Variants in OPCML observed in about 807,000 individuals in gnomAD.
OPCML encodes opioid-binding protein/cell adhesion molecule.
Under a neutral mutation model 37.8 loss-of-function variants are expected in OPCML, and 13 were observed. That is an observed-to-expected ratio of 0.34 (90% CI 0.22 to 0.55). The LOEUF (loss-of-function observed/expected upper bound fraction) is 0.55, where lower values mean the gene tolerates loss of function less well. OPCML is among the 20% of genes least tolerant of loss of function. The probability of loss-of-function intolerance (pLI) is 0.91; values close to 1 mark genes in which losing one functional copy is unlikely to be tolerated. For missense variants in OPCML, 341 were observed against 435.6 expected (o/e 0.78, Z 1.93); for synonymous variants, 176 against 168.8 (o/e 1.04, Z -0.33).
At chr11:133,438,697 G>T (rs909554211) in intron 1 of OPCML, among the ~76,000 whole-genome samples, 11 of 152,096 alleles carry the variant, frequency 7.2e-5, no homozygotes, top group Non-Finnish European at 1.2e-4. Flanking sequence ...CTTCAGGAGG[G>T]GGGCTGCTTG....
chr11:132,552,891 G>A (rs758087285), intron 3 of OPCML, among the ~76,000 whole-genome samples: 2 of 150,070 alleles, frequency 1.3e-5, no homozygotes, highest in African/African-American at 4.9e-5. Context: ...TCAGCCTCCC[G>A]AGTAACTGGG....
At chr11:132,963,410 T>A (rs1447183530) in intron 1 of OPCML, among the ~76,000 whole-genome samples, 7 of 151,820 alleles carry the variant, frequency 4.6e-5, no homozygotes, top group Non-Finnish European at 1.0e-4. Context: ...GCCAATATGG[T>A]GAAACCCCGT....
chr11:132,534,631 G>C (rs920675897), intron 3 of OPCML, among the ~76,000 whole-genome samples: 4 of 152,196 alleles, frequency 2.6e-5, no homozygotes, highest in Admixed American at 6.5e-5. Context: ...GGAAACGGAA[G>C]TGAGAGGCCA....
At chr11:132,697,117 T>G (rs1214267022) in intron 2 of OPCML, among the ~76,000 whole-genome samples, 4 of 152,192 alleles carry the variant, frequency 2.6e-5, no homozygotes, top group African/African-American at 9.7e-5. Flanking sequence ...TATTTTAAAA[T>G]GAAAATTTCC....
chr11:133,171,980 C>A (rs1218112879), intron 1 of OPCML, among the ~76,000 whole-genome samples: 1 of 152,186 alleles, frequency 6.6e-6, no homozygotes, highest in Non-Finnish European at 1.5e-5. Context: ...CCTTCCATAG[C>A]ATGTGAATCA....
intron 1 of OPCML, among the ~76,000 whole-genome samples, chr11:132,989,172 T>C (rs1221115040): frequency 1.3e-5 from 2 of 152,168 alleles, no homozygotes; most frequent in African/African-American, 2.4e-5. Context: ...AGCGAATCCA[T>C]TCCTCAGCAG....
At chr11:132,426,996 T>C (rs897312494) in intron 7 of OPCML, among the ~76,000 whole-genome samples, 1 of 152,172 alleles carries the variant, frequency 6.6e-6, no homozygotes, top group Non-Finnish European at 1.5e-5. Flanking sequence ...CTTAAAAATG[T>C]AGTGTATATA....
At chr11:133,020,239 G>A (rs1193997471) in intron 1 of OPCML, among the ~76,000 whole-genome samples, 1 of 152,176 alleles carries the variant, frequency 6.6e-6, no homozygotes, top group African/African-American at 2.4e-5. Context: ...GAAATGGTCG[G>A]CCCATCTCAA....
intron 1 of OPCML, among the ~76,000 whole-genome samples, chr11:133,377,280 G>C (rs549180054): frequency 6.6e-6 from 1 of 152,148 alleles, no homozygotes; most frequent in Non-Finnish European, 1.5e-5. Context: ...ATTCTGAGCA[G>C]TCCAAGGGTT....
chr11:133,396,877 A>G (rs1480700068), intron 1 of OPCML, among the ~76,000 whole-genome samples: 1 of 152,140 alleles, frequency 6.6e-6, no homozygotes, highest in Non-Finnish European at 1.5e-5. Context: ...CTGGGCCACT[A>G]TCAAATATTT....
At chr11:132,865,708 G>A (rs182207980) in intron 2 of OPCML, among the ~76,000 whole-genome samples, 3 of 152,288 alleles carry the variant, frequency 2.0e-5, no homozygotes, top group Non-Finnish European at 4.4e-5. Context: ...CGAGAGCAAT[G>A]ATCTGAGAAC....
intron 1 of OPCML, among the ~76,000 whole-genome samples, chr11:133,371,667 G>T (rs1944678333): frequency 6.6e-6 from 1 of 152,172 alleles, no homozygotes; most frequent in African/African-American, 2.4e-5. Flanking sequence ...ATGATTGTAA[G>T]TTTCCTGAGG....
At chr11:133,172,191 C>T (rs1950296937) in intron 1 of OPCML, among the ~76,000 whole-genome samples, 1 of 152,142 alleles carries the variant, frequency 6.6e-6, no homozygotes, top group Non-Finnish European at 1.5e-5. Context: ...AGCACCTACT[C>T]CTCAATCTAT....
At chr11:133,486,442 C>T (rs1947526895) in intron 1 of OPCML, among the ~76,000 whole-genome samples, 1 of 152,126 alleles carries the variant, frequency 6.6e-6, no homozygotes, top group African/African-American at 2.4e-5. Context: ...ACACAGTAGC[C>T]ACCTCTTTTT....
intron 4 of OPCML, among the ~76,000 whole-genome samples, chr11:132,483,950 A>C (rs1350576071): frequency 6.6e-6 from 1 of 152,166 alleles, no homozygotes; most frequent in Admixed American, 6.5e-5. Context: ...GTTAGACCTA[A>C]AACCATAAAA....
At chr11:133,326,701 A>G (rs1388308621) in intron 1 of OPCML, among the ~76,000 whole-genome samples, 1 of 75,176 alleles carries the variant, frequency 1.3e-5, no homozygotes, top group Non-Finnish European at 2.4e-5. Flanking sequence ...GGGTGTGTAT[A>G]TTGTGTAGTG....
intron 3 of OPCML, among the ~76,000 whole-genome samples, chr11:132,631,560 C>A (rs1446442148): frequency 6.6e-6 from 1 of 150,914 alleles, no homozygotes; most frequent in Non-Finnish European, 1.5e-5. Context: ...CCCGGGTTCA[C>A]GCCATTCGCC....
At chr11:133,136,580 A>T (rs1344531798) in intron 1 of OPCML, among the ~76,000 whole-genome samples, 1 of 152,090 alleles carries the variant, frequency 6.6e-6, no homozygotes, top group Non-Finnish European at 1.5e-5. Context: ...GGTGGGAGGA[A>T]GGGCATTCCA....
At chr11:132,645,335 C>A (rs1241918037) in intron 3 of OPCML, among the ~76,000 whole-genome samples, 2 of 152,230 alleles carry the variant, frequency 1.3e-5, no homozygotes, top group African/African-American at 4.8e-5. Context: ...ATCTCCCCCA[C>A]TAAGCTGCCC....
Sources: gnomAD v4.1 joint callset for allele counts (sites outside exome capture counted in the v4.1 genomes callset) on GRCh38, gnomAD v4.1.1 for gene constraint, MANE v1.5 for transcripts, NCBI Gene and HGNC (gene_info 2026-07-23, HGNC 2026-07-21) for gene names.